Variants in TRPC5 observed in about 807,000 individuals in gnomAD.
The protein encoded by TRPC5 is transient receptor potential cation channel subfamily C member 5.
Under a neutral mutation model 56.5 loss-of-function variants are expected in TRPC5, and 9 were observed. The ratio of observed to expected loss-of-function variants is 0.16; its 90% CI spans 0.10 to 0.28. The LOEUF is 0.28. TRPC5 is among the 10% of genes least tolerant of loss of function. The pLI is 1.00. For synonymous variants in TRPC5, 282 were observed against 278.5 expected (o/e 1.01, Z -0.13); for missense variants, 469 against 748.9 (o/e 0.63, Z 4.36).
intron 1 of TRPC5, among the ~76,000 whole-genome samples, chrX:111,975,635 G>A (rs1213149953): frequency 9.0e-6 from 1 of 111,388 alleles, no homozygotes; most frequent in Non-Finnish European, 1.9e-5. Context: ...GGGGGCTCAC[G>A]CCTGTAATCC....
chrX:111,806,385 T>C (rs1013959585), intron 7 of TRPC5, among the ~76,000 whole-genome samples: 3 of 112,096 alleles, frequency 2.7e-5, no homozygotes, highest in African/African-American at 9.7e-5. Context: ...AAGGATTTTC[T>C]TCCAAATTCA....
chrX:111,844,854 T>C (rs1294923387), intron 6 of TRPC5, among the ~76,000 whole-genome samples: 1 of 111,212 alleles, frequency 9.0e-6, no homozygotes, highest in Non-Finnish European at 1.9e-5. Context: ...TACCAAACTT[T>C]CCACCAGATA....
At chrX:111,957,268 T>TA (rs1454720621) in intron 1 of TRPC5, among the ~76,000 whole-genome samples, 1 of 112,006 alleles carries the variant, frequency 8.9e-6, no homozygotes, top group African/African-American at 3.2e-5. Context: ...GTTGAGGTGA[T>TA]AGTGCTGCAA....
At chrX:112,007,029 G>T (rs1283996753) in intron 1 of TRPC5, among the ~76,000 whole-genome samples, 3 of 111,584 alleles carry the variant, frequency 2.7e-5, no homozygotes, top group Non-Finnish European at 5.6e-5. Context: ...CAGTCAAGAA[G>T]GTATCCAGTA....
At chrX:111,987,874 A>G (rs1186645919) in intron 1 of TRPC5, among the ~76,000 whole-genome samples, 1 of 112,143 alleles carries the variant, frequency 8.9e-6, no homozygotes, top group East Asian at 2.8e-4. Context: ...AATGAAGGCC[A>G]CCCATACTGG....
At chrX:112,040,180 A>C (rs1276536567) in intron 1 of TRPC5, among the ~76,000 whole-genome samples, 1 of 112,033 alleles carries the variant, frequency 8.9e-6, no homozygotes, top group Non-Finnish European at 1.9e-5. Context: ...TGTGGGGGAA[A>C]GTCTTAAAAA....
At chrX:111,984,400 A>C (rs1282502197) in intron 1 of TRPC5, among the ~76,000 whole-genome samples, 1 of 111,911 alleles carries the variant, frequency 8.9e-6, no homozygotes, top group African/African-American at 3.2e-5. Flanking sequence ...AACACACTCA[A>C]ATGAGAACTA....
At chrX:111,851,852 A>C (rs1168182199) in intron 5 of TRPC5, among the ~76,000 whole-genome samples, 1 of 111,846 alleles carries the variant, frequency 8.9e-6, no homozygotes, top group Non-Finnish European at 1.9e-5. Flanking sequence ...AGGGAGGAAG[A>C]ATTACTAATG....
chrX:111,896,157 C>A (rs1161696241), intron 3 of TRPC5: 2 of 110,803 alleles, frequency 1.8e-5, no homozygotes, highest in Non-Finnish European at 3.8e-5. Context: ...ATTTTAGTGT[C>A]TCCCAATGGC....
intron 1 of TRPC5, among the ~76,000 whole-genome samples, chrX:111,956,470 T>A (rs1004790822): frequency 2.7e-5 from 3 of 111,314 alleles, no homozygotes; most frequent in African/African-American, 9.8e-5. Flanking sequence ...CCGGGCACTA[T>A]AATAGAAGCT....
At chrX:112,039,427 G>A (rs1929837460) in intron 1 of TRPC5, among the ~76,000 whole-genome samples, 1 of 111,591 alleles carries the variant, frequency 9.0e-6, no homozygotes, top group African/African-American at 3.3e-5. Flanking sequence ...GACAGCAAGG[G>A]GTAGGTTGCC....
At chrX:111,837,108 G>A (rs1445895807) in intron 6 of TRPC5, among the ~76,000 whole-genome samples, 1 of 112,472 alleles carries the variant, frequency 8.9e-6, no homozygotes, top group Non-Finnish European at 1.9e-5. Context: ...ATGCCAGCTG[G>A]TGAAGCAGTT....
intron 1 of TRPC5, among the ~76,000 whole-genome samples, chrX:112,006,305 T>C: frequency 8.9e-6 from 1 of 112,102 alleles, no homozygotes; most frequent in South Asian, 3.8e-4. Context: ...TAGTGACTTT[T>C]AGAACTACTC....
intron 1 of TRPC5, among the ~76,000 whole-genome samples, chrX:111,975,852 C>A (rs1316122027): frequency 1.8e-5 from 2 of 111,733 alleles, no homozygotes; most frequent in Admixed American, 1.9e-4. Flanking sequence ...TGCAGTGAGC[C>A]GAGATTGCAC....
Position 112,073,500 on chromosome X carries a change from C to T in TRPC5, c.-22+8379G>A, listed in dbSNP as rs1380365863. On this transcript the variant is annotated intron_variant, in intron 1 of 10. Transcript: ENST00000262839. ...GGTCAGGCTGGTCTCGAACTCCTGA[C>T]CTCAGGCGATCCATCTGCCTTGGCC... 2.7e-5 allele frequency among the ~76,000 whole-genome samples: 3 copies of T among 111,294 alleles called. No homozygotes were observed. In the East Asian group the frequency reaches 8.5e-4, roughly 31 times the overall value.
At chrX:111,884,922 T>A (rs985383306) in intron 3 of TRPC5, among the ~76,000 whole-genome samples, 2 of 112,394 alleles carry the variant, frequency 1.8e-5, no homozygotes, top group Non-Finnish European at 3.8e-5. Context: ...AGACTTTAGT[T>A]AAGTTCTAGC....
intron 3 of TRPC5, among the ~76,000 whole-genome samples, chrX:111,882,220 G>A (rs899035302): frequency 3.7e-5 from 4 of 109,450 alleles, no homozygotes; most frequent in African/African-American, 1.3e-4. Context: ...TGGGTGGAGT[G>A]TTATATAAAA....
intron 1 of TRPC5, among the ~76,000 whole-genome samples, chrX:112,071,420 T>C (rs181585176): frequency 1.3e-3 from 145 of 112,244 alleles, no homozygotes; most frequent in African/African-American, 4.6e-3. Flanking sequence ...ATTTGGTGAC[T>C]TTTTCAAGGT....
intron 1 of TRPC5, among the ~76,000 whole-genome samples, chrX:111,959,297 T>C (rs774551762): frequency 8.9e-6 from 1 of 112,172 alleles, no homozygotes; most frequent in South Asian, 3.7e-4. Context: ...GAGAGCTGCA[T>C]AGGAACAGAG....
Sources: gnomAD v4.1 joint callset for allele counts (sites outside exome capture counted in the v4.1 genomes callset) on GRCh38, gnomAD v4.1.1 for gene constraint, MANE v1.5 for transcripts, NCBI Gene and HGNC (gene_info 2026-07-23, HGNC 2026-07-21) for gene names.